DNAH7: variants seen among roughly 807,000 people sequenced by gnomAD.
DNAH7 encodes axonemal beta dynein heavy chain 7.
DNAH7 carries 397 observed loss-of-function variants against 444.6 expected under a neutral mutation model. The ratio of observed to expected loss-of-function variants is 0.89; its 90% CI spans 0.82 to 0.97. The LOEUF (loss-of-function observed/expected upper bound fraction) is 0.97, where lower values mean the gene tolerates loss of function less well. Among genes scored for constraint, DNAH7 ranks in the 50% least tolerant of loss-of-function variants. The pLI is 0.00. For missense variants in DNAH7, 4,902 were observed against 4,800.8 expected (o/e 1.02, Z -0.62); for synonymous variants, 1,636 against 1,624.4 (o/e 1.01, Z -0.17).
At chr2:195,858,847 T>C (rs1407120607) in intron 42 of DNAH7, 43 bp from the exon 43 acceptor site, 1 of 1,500,888 alleles carries the variant, frequency 6.7e-7, no homozygotes, top group African/African-American at 1.4e-5. Flanking sequence ...TGAGGCTCTG[T>C]ATCCTACATG....
chr2:195,960,884 C>T lies in DNAH7; in HGVS notation c.2267G>A (p.Arg756His), dbSNP rs369660977. The change falls in exon 18 of 65, where the codon CGT becomes CAT. Residue 756 changes from arginine to histidine, a missense_variant. Coordinates refer to ENST00000312428, the MANE Select transcript of DNAH7 (RefSeq NM_018897.3). The part of the protein sequence containing the change: ...FGWLPSVYPQ[R>H]KKIQDGLNPY... ...GTTCAAGCCATCTTGGATTTTTTTA[C>T]GTTGAGGATATACAGATGGTAGCCA... 34 of 1,613,614 alleles carry T rather than the reference C, an allele frequency of 2.1e-5. No individual in the cohort carries two copies. Among genetic ancestry groups the T allele is most frequent in the South Asian group, 7.7e-5 (7 of 90,974 alleles).
At chr2:195,811,849 CT>C (rs1696985544) in intron 51 of DNAH7, among the ~76,000 whole-genome samples, 1 of 152,142 alleles carries the variant, frequency 6.6e-6, no homozygotes, top group African/African-American at 2.4e-5. Context: ...TCTGAAATAG[CT>C]GACTCCATCT....
At chr2:195,819,192 A>G (rs1389360315) in intron 49 of DNAH7, among the ~76,000 whole-genome samples, 1 of 151,910 alleles carries the variant, frequency 6.6e-6, no homozygotes, top group Admixed American at 6.6e-5. Flanking sequence ...TTCCCATACA[A>G]TGTGTTCTAC....
rs762784624 is a variant in DNAH7, at chr2:196,051,174, T to C, written c.141+13A>G. 4 of 1,610,138 alleles carry C rather than the reference T, an allele frequency of 2.5e-6. No homozygotes were observed. The South Asian group carries it at 3.3e-5, about 13-fold the overall frequency. On this transcript the variant is annotated intron_variant, in intron 3 of 64. Transcript: ENST00000312428. Reference sequence around the variant, plus strand: ...GCACAAAAATTCAATGAGAATATATTTGGATAAGTTACCATAGACAGCTGT... The same window carrying C: ...GCACAAAAATTCAATGAGAATATATCTGGATAAGTTACCATAGACAGCTGT...
At chr2:195,789,768 T>TAA (rs202158950) in intron 57 of DNAH7, among the ~76,000 whole-genome samples, 2 of 149,928 alleles carry the variant, frequency 1.3e-5, no homozygotes, top group East Asian at 2.0e-4. Context: ...GAGAAAACAT[T>TAA]AAAAAAAAAC....
At chr2:195,782,802 CT>C (rs1468815852) in intron 58 of DNAH7, among the ~76,000 whole-genome samples, 6 of 152,204 alleles carry the variant, frequency 3.9e-5, no homozygotes, top group African/African-American at 1.4e-4. Context: ...GCTGCACCAT[CT>C]GCCCTCCATG....
intron 63 of DNAH7, among the ~76,000 whole-genome samples, chr2:195,752,755 G>A (rs1693863308): frequency 6.6e-6 from 1 of 152,112 alleles, no homozygotes; most frequent in African/African-American, 2.4e-5. Context: ...ATATGAAGAT[G>A]GCAACTGGTA....
chr2:195,908,169 G>T (rs1486624443), intron 25 of DNAH7, among the ~76,000 whole-genome samples: 1 of 151,994 alleles, frequency 6.6e-6, no homozygotes, highest in East Asian at 1.9e-4. Flanking sequence ...ATTTAATAAT[G>T]TGATGGCTAT....
intron 2 of DNAH7, among the ~76,000 whole-genome samples, chr2:196,056,587 T>C (rs898870710): frequency 1.2e-4 from 18 of 151,974 alleles, no homozygotes; most frequent in African/African-American, 3.6e-4. Context: ...CAATACAGGA[T>C]GAAAGATGAC....
intron 12 of DNAH7, among the ~76,000 whole-genome samples, chr2:195,989,315 G>C (rs774601563): frequency 1.3e-5 from 2 of 152,144 alleles, no homozygotes; most frequent in African/African-American, 4.8e-5. Context: ...ACAGTGTGTA[G>C]GGGTTCCCTT....
chr2:195,834,205 C>T lies in DNAH7; in HGVS notation c.9100+1G>A, dbSNP rs758871788. ...TGTATCTTAGTTATTCAACTACATA[C>T]CAGGAGTACCAAACTGGATGCAATT... On this transcript the variant is annotated splice_donor_variant, in intron 48 of 64. Transcript: ENST00000312428. LOFTEE classifies it high-confidence loss of function. 8.1e-6 allele frequency: 13 copies of T among 1,602,152 alleles called. No individual in the cohort carries two copies. The highest frequency in any genetic ancestry group is 1.1e-5 in the Non-Finnish European group (13 of 1,171,234).
At chr2:196,052,582 G>C (rs1256679658) in intron 2 of DNAH7, among the ~76,000 whole-genome samples, 3 of 152,174 alleles carry the variant, frequency 2.0e-5, no homozygotes, top group Non-Finnish European at 4.4e-5. Context: ...ATACGCTGTG[G>C]GGTAAATACT....
At chr2:195,986,903 C>G (rs1333142691) in intron 14 of DNAH7, among the ~76,000 whole-genome samples, 163 bp downstream of exon 14, 2 of 152,082 alleles carry the variant, frequency 1.3e-5, no homozygotes, top group Non-Finnish European at 2.9e-5. Context: ...CTAATAATCA[C>G]ATCACAAAGT....
chr2:195,833,867 G>A (rs1254367032), intron 48 of DNAH7, among the ~76,000 whole-genome samples: 1 of 152,020 alleles, frequency 6.6e-6, no homozygotes, highest in Non-Finnish European at 1.5e-5. Context: ...CGATTCTCCT[G>A]CCTCAGCCTC....
intron 27 of DNAH7, chr2:195,904,078 T>C (rs1360468055): frequency 1.3e-5 from 2 of 152,162 alleles, no homozygotes; most frequent in Non-Finnish European, 2.9e-5. Context: ...CAGTGAAGTT[T>C]ACATGGAGTT....
chr2:196,056,983 A>G (rs550487288), intron 2 of DNAH7, among the ~76,000 whole-genome samples: 2 of 152,066 alleles, frequency 1.3e-5, no homozygotes, highest in African/African-American at 4.8e-5. Context: ...TCACCAGCTC[A>G]CAGGGGCTGA....
rs372003622 is a variant in DNAH7 at position 195,960,646 on chromosome 2, C to T, written c.2505G>A (p.Lys835=). The change falls in exon 18 of 65, where the codon AAG becomes AAA. Residue 835 remains lysine, a synonymous_variant. Coordinates refer to ENST00000312428, the MANE Select transcript of DNAH7 (RefSeq NM_018897.3). ...KKVRSKVEDF[K]QHIPLIQVIC... ...TCACTTGAATGAGAGGAATGTGCTG[C>T]TTGAAATCTTCCACCTTTGATCTTA... 8.1e-5 allele frequency: 131 copies of T among 1,614,210 alleles called. No individual in the cohort carries two copies. In the African/African-American group the frequency reaches 1.5e-3, roughly 18 times the overall value.
intron 47 of DNAH7, among the ~76,000 whole-genome samples, chr2:195,841,056 T>C (rs2124990797): frequency 6.6e-6 from 1 of 151,958 alleles, no homozygotes; most frequent in Admixed American, 6.6e-5. Context: ...CAAAGAAATA[T>C]GGTATTTACA....
chr2:195,975,736 T>C (rs1334112162), intron 15 of DNAH7, among the ~76,000 whole-genome samples: 5 of 152,142 alleles, frequency 3.3e-5, no homozygotes, highest in Admixed American at 6.5e-5. Context: ...CACAGCAGGA[T>C]AGGGCAATGG....
Sources: gnomAD v4.1 joint callset for allele counts (sites outside exome capture counted in the v4.1 genomes callset) on GRCh38, gnomAD v4.1.1 for gene constraint, MANE v1.5 for transcripts, NCBI Gene and HGNC (gene_info 2026-07-23, HGNC 2026-07-21) for gene names.